The following L3MBTL4 variants were observed in gnomAD, a reference collection of about 807,000 sequenced individuals.
L3MBTL4 encodes L3MBTL histone methyl-lysine binding protein 4.
Under a neutral mutation model 84.5 loss-of-function variants are expected in L3MBTL4, and 70 were observed. The observed-to-expected ratio is 0.83, with a 90% CI of 0.68 to 1.01. The LOEUF (loss-of-function observed/expected upper bound fraction) is 1.01, where lower values mean the gene tolerates loss of function less well. L3MBTL4 is among the 50% of genes least tolerant of loss of function. The pLI is 0.00. For synonymous variants in L3MBTL4, 274 were observed against 259.8 expected (o/e 1.05, Z -0.52); for missense variants, 715 against 754.8 (o/e 0.95, Z 0.62).
intron 16 of L3MBTL4, among the ~76,000 whole-genome samples, chr18:5,997,904 CT>C (rs1278987549): frequency 1.3e-5 from 2 of 152,084 alleles, no homozygotes; most frequent in Non-Finnish European, 2.9e-5. Context: ...ACTCGAGTAG[CT>C]GCTTTTGGTA....
intron 13 of L3MBTL4, among the ~76,000 whole-genome samples, chr18:6,164,771 T>C (rs557771550): frequency 2.6e-5 from 4 of 152,088 alleles, no homozygotes; most frequent in South Asian, 4.2e-4. Context: ...AAAATCAGAG[T>C]GCCTCTCCTC....
At chr18:6,299,387 CAAAG>C (rs1156671387) in intron 4 of L3MBTL4, among the ~76,000 whole-genome samples, 1 of 151,922 alleles carries the variant, frequency 6.6e-6, no homozygotes, top group Non-Finnish European at 1.5e-5. Context: ...TTAATAGCTA[CAAAG>C]AAAGAAGAAT....
chr18:6,213,115 T>C (rs777748138), intron 12 of L3MBTL4, 34 bp downstream of exon 12: 4 of 1,199,402 alleles, frequency 3.3e-6, no homozygotes, highest in East Asian at 2.7e-5. Context: ...AGGAAAAATA[T>C]TGATATAATA....
intron 1 of L3MBTL4, among the ~76,000 whole-genome samples, chr18:6,376,192 C>T (rs1481988166): frequency 2.6e-5 from 4 of 152,172 alleles, no homozygotes; most frequent in Non-Finnish European, 5.9e-5. Flanking sequence ...TCCTCAGCAC[C>T]TGTGCACTCA....
chr18:6,139,477 C>A (rs1033389727), intron 13 of L3MBTL4, among the ~76,000 whole-genome samples: 1 of 151,786 alleles, frequency 6.6e-6, no homozygotes, highest in African/African-American at 2.4e-5. Flanking sequence ...CAGTATTCTC[C>A]GCCCCCTAAA....
rs145598633 is a variant in L3MBTL4, at chr18:6,177,377, G to T, written c.982-5435C>A. 1.2e-4 allele frequency among the ~76,000 whole-genome samples: 18 copies of T among 152,304 alleles called. No homozygotes were observed. The East Asian group carries it at 3.5e-3, about 29-fold the overall frequency. Reference sequence around the variant, plus strand: ...TGAGGCAGACACAACAGTGCATGCTGCATGACCCCACTGATAGGAAATCTG... The same window carrying T: ...TGAGGCAGACACAACAGTGCATGCTTCATGACCCCACTGATAGGAAATCTG... On this transcript the variant is annotated intron_variant, in intron 12 of 18. Transcript: ENST00000317931.
At chr18:6,036,984 A>G (rs796242285) in intron 16 of L3MBTL4, among the ~76,000 whole-genome samples, 6 of 152,268 alleles carry the variant, frequency 3.9e-5, no homozygotes, top group African/African-American at 1.4e-4. Flanking sequence ...AAATGACGGG[A>G]AGGGGGTAAA....
chr18:6,372,661 T>G (rs1321073026), intron 1 of L3MBTL4, among the ~76,000 whole-genome samples: 4 of 152,208 alleles, frequency 2.6e-5, no homozygotes, highest in Non-Finnish European at 4.4e-5. Context: ...ATCCAGTAAG[T>G]GCCCCCTTTC....
At chr18:6,075,537 C>A (rs1041446731) in intron 16 of L3MBTL4, among the ~76,000 whole-genome samples, 1 of 152,014 alleles carries the variant, frequency 6.6e-6, no homozygotes, top group African/African-American at 2.4e-5. Context: ...CTTATAGGTA[C>A]ACTGTAGATC....
At chr18:6,144,671 C>A (rs2042573294) in intron 13 of L3MBTL4, among the ~76,000 whole-genome samples, 1 of 152,210 alleles carries the variant, frequency 6.6e-6, no homozygotes, top group African/African-American at 2.4e-5. Flanking sequence ...CCCTCATTCC[C>A]AGCCTCTCTT....
At chr18:6,167,016 A>C (rs2043700268) in intron 13 of L3MBTL4, among the ~76,000 whole-genome samples, 1 of 152,338 alleles carries the variant, frequency 6.6e-6, no homozygotes, top group Non-Finnish European at 1.5e-5. Context: ...TCCCACAGAA[A>C]TACAAACTAC....
chr18:6,077,720 TAA>T lies in L3MBTL4; in HGVS notation c.1444+3159_1444+3160del, dbSNP rs59029384. 3.6e-4 allele frequency among the ~76,000 whole-genome samples: 50 copies of T among 139,298 alleles called. No homozygotes were observed. In the East Asian group the frequency reaches 4.4e-3, roughly 12 times the overall value. The allele number at this position is 139,298 out of a possible 152,430, so 91.4% of individuals were successfully genotyped here. On this transcript the variant is annotated intron_variant, in intron 16 of 18. Coordinates refer to ENST00000317931, the MANE Select transcript of L3MBTL4 (RefSeq NM_001330559.2). ...AGCACAAATTTTAGCCCATTTTCCTTAAAAAAAAAAAAAAAATGGAAGACTCC... is the reference window on the plus strand; with the variant it reads ...AGCACAAATTTTAGCCCATTTTCCTTAAAAAAAAAAAAAATGGAAGACTCC...
At chr18:6,193,578 C>T (rs1017702621) in intron 12 of L3MBTL4, among the ~76,000 whole-genome samples, 12 of 152,280 alleles carry the variant, frequency 7.9e-5, no homozygotes, top group African/African-American at 2.6e-4. Flanking sequence ...CGTGGAGAGC[C>T]GGGACGGGGC....
At chr18:6,231,845 G>T (rs1166931545) in intron 10 of L3MBTL4, among the ~76,000 whole-genome samples, 1 of 152,012 alleles carries the variant, frequency 6.6e-6, no homozygotes, top group Non-Finnish European at 1.5e-5. Flanking sequence ...GCTTCTAACA[G>T]ATATGATTTT....
chr18:6,180,142 G>C (rs1283832202), intron 12 of L3MBTL4, among the ~76,000 whole-genome samples: 2 of 152,074 alleles, frequency 1.3e-5, no homozygotes, highest in Non-Finnish European at 2.9e-5. Flanking sequence ...ATAGTCCAGA[G>C]CTACCCATAC....
chr18:6,237,315 T>C (rs1269847293), intron 10 of L3MBTL4, among the ~76,000 whole-genome samples: 1 of 151,972 alleles, frequency 6.6e-6, no homozygotes, highest in Non-Finnish European at 1.5e-5. Flanking sequence ...TAGCATTCAA[T>C]TAATGAATTG....
intron 16 of L3MBTL4, among the ~76,000 whole-genome samples, chr18:6,046,527 T>A (rs559940765): frequency 1.3e-5 from 2 of 151,990 alleles, no homozygotes; most frequent in East Asian, 1.9e-4. Flanking sequence ...CTCAATAAAT[T>A]AAAAAAAATT....
At chr18:6,127,921 C>T (rs1160209871) in intron 14 of L3MBTL4, among the ~76,000 whole-genome samples, 1 of 151,380 alleles carries the variant, frequency 6.6e-6, no homozygotes, top group Non-Finnish European at 1.5e-5. Flanking sequence ...TTTGGTGCCT[C>T]ACTCTAAAAA....
intron 16 of L3MBTL4, chr18:6,031,973 TTTC>T: frequency 4.6e-5 from 21 of 460,862 alleles, no homozygotes; most frequent in Non-Finnish European, 5.9e-5. Flanking sequence ...TCCACCATTT[TTTC>T]TTTCTTTCTT....
Sources: gnomAD v4.1 joint callset for allele counts (sites outside exome capture counted in the v4.1 genomes callset) on GRCh38, gnomAD v4.1.1 for gene constraint, MANE v1.5 for transcripts, NCBI Gene and HGNC (gene_info 2026-07-23, HGNC 2026-07-21) for gene names.